MINDY4B: variants seen among roughly 807,000 people sequenced by gnomAD.
MINDY4B encodes the protein MINDY family member 4B.
MINDY4B carries 25 observed loss-of-function variants against 16.7 expected under a neutral mutation model. The observed-to-expected ratio is 1.49, with a 90% confidence interval of 1.09 to 2.09. The LOEUF is 2.09. Among genes scored for constraint, MINDY4B ranks in the 30% most tolerant of loss-of-function variants. The pLI is 0.00. For missense variants in MINDY4B, 327 were observed against 168.4 expected, an observed-to-expected ratio of 1.94 and a Z score of -5.21; for synonymous variants, 132 against 61.9, an observed-to-expected ratio of 2.13 and a Z score of -5.32.
rs115267013 is a variant in MINDY4B, at chr3:150,884,526, C to T, written c.825-754G>A. ...TAATAATGTTGTATTTATTTTAATA[C>T]GTTTATCTTTAGCGTGGTACATGAC... On this transcript the variant is annotated intron_variant, in intron 8 of 11. Transcript: ENST00000465419. Among the ~76,000 whole-genome samples, 532 of 152,180 alleles carry T rather than the reference C, an allele frequency of 3.5e-3. 3 individuals are homozygous for T. Among genetic ancestry groups the T allele is most frequent in the African/African-American group, 0.012 (499 of 41,494 alleles).
chr3:150,873,925 A>G (rs1454626238), intron 10 of MINDY4B, among the ~76,000 whole-genome samples: 1 of 151,646 alleles, frequency 6.6e-6, no homozygotes, highest in African/African-American at 2.4e-5. Flanking sequence ...ACAGGTTAAC[A>G]TGATCATTTG....
intron 3 of MINDY4B, among the ~76,000 whole-genome samples, chr3:150,895,596 C>G (rs1329133504): frequency 1.3e-5 from 2 of 152,186 alleles, no homozygotes; most frequent in African/African-American, 4.8e-5. Context: ...TCCTGAGTAG[C>G]TGGGATTATA....
At chr3:150,887,104 A>C (rs1460152118) in intron 7 of MINDY4B, among the ~76,000 whole-genome samples, 6 of 152,244 alleles carry the variant, frequency 3.9e-5, no homozygotes, top group African/African-American at 1.4e-4. Context: ...CAGGAGCACT[A>C]TTCTTGTGTT....
chr3:150,894,447 T>C (rs1238007205), intron 3 of MINDY4B, 142 bp from the exon 4 acceptor site: 14 of 542,118 alleles, frequency 2.6e-5, no homozygotes, highest in African/African-American at 1.9e-5. Context: ...GTCCCTGATT[T>C]TAATTGTCTG....
intron 3 of MINDY4B, among the ~76,000 whole-genome samples, chr3:150,900,453 G>A (rs569229745): frequency 6.6e-6 from 1 of 152,202 alleles, no homozygotes. Flanking sequence ...AATTTGCCAG[G>A]TGGCTGCACT....
chr3:150,897,136 G>A (rs1020707903), intron 3 of MINDY4B, among the ~76,000 whole-genome samples: 10 of 152,202 alleles, frequency 6.6e-5, no homozygotes, highest in East Asian at 5.8e-4. Flanking sequence ...GTTACTTAAT[G>A]CCATATCCCT....
chr3:150,883,223 A>G (rs1306890059), intron 9 of MINDY4B, among the ~76,000 whole-genome samples, 165 bp from the exon 10 acceptor site: 1 of 152,202 alleles, frequency 6.6e-6, no homozygotes, highest in Non-Finnish European at 1.5e-5. Context: ...GATTTAAAAC[A>G]ATCATTTATT....
chr3:150,883,019 T>C lies in MINDY4B; in HGVS notation c.937A>G (p.Asn313Asp), dbSNP rs1210717385. 1.4e-6 allele frequency: 1 copy of C among 702,398 alleles called. No individual in the cohort carries two copies. The highest frequency in any genetic ancestry group is 2.6e-6 in the Non-Finnish European group (1 of 384,600). 43.5% of individuals were successfully genotyped at this position (702,398 alleles called of 1,614,324 possible). Residue 313 changes from asparagine to aspartate, a missense_variant, in exon 10 of 12, where the codon AAT (asparagine) becomes GAT (aspartate). Coordinates refer to ENST00000465419, the MANE Select transcript of MINDY4B (RefSeq NM_001351281.2). ...NMILTGRASP[N>D]VFNGCEEGKS... ...CCTTCCTCACAGCCATTGAAGACATTGGGACTTGCTCTTCCAGTTAAAATC... is the reference window on the plus strand; with the variant it reads ...CCTTCCTCACAGCCATTGAAGACATCGGGACTTGCTCTTCCAGTTAAAATC...
At chr3:150,877,782 C>T (rs1049457172) in intron 10 of MINDY4B, among the ~76,000 whole-genome samples, 8 of 152,090 alleles carry the variant, frequency 5.3e-5, no homozygotes, top group South Asian at 4.2e-4. Flanking sequence ...GTTACCAACA[C>T]GAGTATACCT....
At position 150,884,254 on chromosome 3, in the gene MINDY4B, C is replaced by T. The variant is rs566143497; in HGVS notation, c.825-482G>A. ...TGTTATGTCAGGGGCCATGGTCTCA[C>T]CCTTGACAATATAAGGTCAAGGTGG... is the stretch of plus-strand genomic sequence containing the variant. On this transcript the variant is annotated intron_variant, in intron 8 of 11. Coordinates refer to ENST00000465419, the MANE Select transcript of MINDY4B (RefSeq NM_001351281.2). 2.6e-5 allele frequency among the ~76,000 whole-genome samples: 4 copies of T among 152,298 alleles called. No individual in the cohort carries two copies. In the South Asian group the frequency reaches 8.3e-4, roughly 32 times the overall value.
rs1491107329 is a variant in MINDY4B at position 150,893,696 on chromosome 3, T to TTGG, written c.430-282_430-281insCCA. Among the ~76,000 whole-genome samples the TTGG allele has an allele frequency of 8.0e-4, 43 of 53,622 alleles. 1 individual carries two copies. The highest frequency in any genetic ancestry group is 1.8e-3 in the African/African-American group (37 of 20,832). The allele number at this position is 53,622 out of a possible 152,430, so 35.2% of individuals were successfully genotyped here. The stretch of plus-strand genomic sequence containing the variant: ...TCCCTGCTTCATAGTAGTTTTTTTT[T>TTGG]GGGGGGGGGGGTGGGGTGCAGTCTT... On this transcript the variant is annotated intron_variant, in intron 4 of 11. Coordinates refer to ENST00000465419, the MANE Select transcript of MINDY4B (RefSeq NM_001351281.2).
intron 10 of MINDY4B, 31 bp downstream of exon 10, chr3:150,882,866 G>T (rs1160355448): frequency 1.5e-6 from 1 of 678,898 alleles, no homozygotes; most frequent in Non-Finnish European, 2.7e-6. Context: ...TGACATTCTG[G>T]TTGTGTGGTT....
chr3:150,879,640 A>C (rs964087780), intron 10 of MINDY4B, among the ~76,000 whole-genome samples: 4 of 152,198 alleles, frequency 2.6e-5, no homozygotes, highest in Non-Finnish European at 5.9e-5. Flanking sequence ...GCCCTCGTTC[A>C]AACATTAACA....
At chr3:150,879,365 C>CAG (rs1182588591) in intron 10 of MINDY4B, among the ~76,000 whole-genome samples, 1 of 152,030 alleles carries the variant, frequency 6.6e-6, no homozygotes, top group Non-Finnish European at 1.5e-5. Context: ...ATCTAGTGAG[C>CAG]AGAGGCCAGG....
chr3:150,897,233 A>C (rs1014764864), intron 3 of MINDY4B, among the ~76,000 whole-genome samples: 1 of 151,948 alleles, frequency 6.6e-6, no homozygotes, highest in African/African-American at 2.4e-5. Context: ...CAGAGGGGAG[A>C]CTAGACAGAG....
At chr3:150,887,514 G>A (rs1271924176) in intron 7 of MINDY4B, among the ~76,000 whole-genome samples, 2 of 152,172 alleles carry the variant, frequency 1.3e-5, no homozygotes, top group African/African-American at 2.4e-5. Flanking sequence ...GAGGGTAGCT[G>A]CCTCTTATGT....
intron 3 of MINDY4B, chr3:150,901,043 T>C (rs1315189158): frequency 6.6e-6 from 1 of 152,228 alleles, no homozygotes; most frequent in Non-Finnish European, 1.5e-5. Flanking sequence ...ATTACTTCTT[T>C]TACAGGCAAG....
intron 2 of MINDY4B, 113 bp from the exon 3 acceptor site, chr3:150,903,529 CT>C (rs1188233955): frequency 2.5e-6 from 1 of 396,710 alleles, no homozygotes; most frequent in Non-Finnish European, 4.4e-6. Flanking sequence ...TGTTGTCTCA[CT>C]TTTAAAGACG....
At chr3:150,885,310 T>C (rs1306731039) in intron 8 of MINDY4B, 58 bp downstream of exon 8, 25 of 693,626 alleles carry the variant, frequency 3.6e-5, no homozygotes, top group Non-Finnish European at 6.3e-5. Context: ...CAAGAGTACA[T>C]TGTTTATGTG....
Sources: gnomAD v4.1 joint callset for allele counts (sites outside exome capture counted in the v4.1 genomes callset) on GRCh38, gnomAD v4.1.1 for gene constraint, MANE v1.5 for transcripts, NCBI Gene and HGNC (gene_info 2026-07-23, HGNC 2026-07-21) for gene names.